Variants in SYCP1 observed in about 807,000 individuals in gnomAD.
SYCP1 encodes the protein cancer/testis antigen 8.
SYCP1 carries 64 observed loss-of-function variants against 153.1 expected under a neutral mutation model. That is an observed-to-expected ratio of 0.42 (90% CI 0.34 to 0.51). The LOEUF (loss-of-function observed/expected upper bound fraction) is 0.51, where lower values mean the gene tolerates loss of function less well. Among genes scored for constraint, SYCP1 ranks in the 20% least tolerant of loss-of-function variants. The probability of loss-of-function intolerance (pLI) is 0.06; values close to 1 mark genes in which losing one functional copy is unlikely to be tolerated. For missense variants in SYCP1, 997 were observed against 1,049.0 expected, an observed-to-expected ratio of 0.95 and a Z score of 0.68; for synonymous variants, 384 against 341.8, an observed-to-expected ratio of 1.12 and a Z score of -1.36.
chr1:114,932,647 C>A (rs1408437743), intron 23 of SYCP1, among the ~76,000 whole-genome samples: 1 of 152,208 alleles, frequency 6.6e-6, no homozygotes, highest in Non-Finnish European at 1.5e-5. Flanking sequence ...AATTCCCTTT[C>A]CTAACCAAGA....
chr1:114,911,380 A>G, intron 17 of SYCP1, 99 bp from the exon 18 acceptor site: 1 of 784,170 alleles, frequency 1.3e-6, no homozygotes, highest in Non-Finnish European at 1.9e-6. Flanking sequence ...AACCTGCCAA[A>G]TTTTTGCCAA....
At chr1:114,863,777 GGTTTCTTTTTTTTTCTGTAAAAGAATGA>G (rs896595881) in intron 8 of SYCP1, among the ~76,000 whole-genome samples, 4 of 152,156 alleles carry the variant, frequency 2.6e-5, no homozygotes, top group Non-Finnish European at 5.9e-5. Flanking sequence ...TTTTTGAATG[GGTTTCTTTTTTTTTCTGTAAAAGAATGA>G]GTTCATGTCC....
intron 21 of SYCP1, among the ~76,000 whole-genome samples, chr1:114,923,819 A>T (rs1167459415): frequency 6.6e-6 from 1 of 152,182 alleles, no homozygotes; most frequent in Non-Finnish European, 1.5e-5. Flanking sequence ...CTTCAGTAAT[A>T]TAAAATATAT....
intron 20 of SYCP1, among the ~76,000 whole-genome samples, chr1:114,916,027 C>A (rs560349674): frequency 1.4e-4 from 22 of 152,238 alleles, no homozygotes; most frequent in African/African-American, 5.3e-4. Flanking sequence ...ATGTTCAGCC[C>A]CCATGAGAAG....
intron 17 of SYCP1, among the ~76,000 whole-genome samples, chr1:114,911,073 C>G (rs1189721153): frequency 6.6e-6 from 1 of 151,494 alleles, no homozygotes; most frequent in Admixed American, 6.6e-5. Flanking sequence ...TACATCTTGT[C>G]TTTTTACAAT....
At chr1:114,987,002 C>T (rs1673560046) in intron 30 of SYCP1, among the ~76,000 whole-genome samples, 1 of 151,712 alleles carries the variant, frequency 6.6e-6, no homozygotes, top group Admixed American at 6.6e-5. Context: ...ACTTGTCCTT[C>T]AAACATCAGA....
At chr1:114,979,620 T>C (rs1050705663) in intron 28 of SYCP1, among the ~76,000 whole-genome samples, 4 of 151,726 alleles carry the variant, frequency 2.6e-5, no homozygotes, top group African/African-American at 7.3e-5. Flanking sequence ...AAAAAATTGC[T>C]CTCATCAAAA....
At chr1:114,914,511 G>A (rs1044585207) in intron 20 of SYCP1, among the ~76,000 whole-genome samples, 1 of 151,884 alleles carries the variant, frequency 6.6e-6, no homozygotes, top group African/African-American at 2.4e-5. Context: ...TTAGTTGAAG[G>A]TCTTACATCT....
intron 16 of SYCP1, among the ~76,000 whole-genome samples, chr1:114,904,251 G>T (rs1167705357): frequency 6.6e-6 from 1 of 151,714 alleles, no homozygotes; most frequent in Non-Finnish European, 1.5e-5. Flanking sequence ...CGAGTAGCTG[G>T]GACTACAGGT....
intron 15 of SYCP1, among the ~76,000 whole-genome samples, chr1:114,888,784 C>T (rs1374483425): frequency 1.3e-5 from 2 of 151,820 alleles, no homozygotes; most frequent in Non-Finnish European, 2.9e-5. Flanking sequence ...ATACATGTGC[C>T]ACATTGGTTT....
chr1:114,937,488 A>T (rs1235455439), intron 23 of SYCP1, among the ~76,000 whole-genome samples: 4 of 152,244 alleles, frequency 2.6e-5, no homozygotes, highest in Admixed American at 1.3e-4. Flanking sequence ...GGCATGGGCA[A>T]GGACTTCATG....
intron 27 of SYCP1, among the ~76,000 whole-genome samples, chr1:114,973,863 A>G (rs1672644191): frequency 6.6e-6 from 1 of 151,958 alleles, no homozygotes; most frequent in African/African-American, 2.4e-5. Flanking sequence ...CATGAGCTAA[A>G]AGGAGTTAAG....
Position 114,923,626 on chromosome 1 carries a change from T to C in SYCP1, c.1800+96T>C, listed in dbSNP as rs1008959518. ...TAAAATAAAGGGAAGTATACTGTTG[T>C]ATAAATAATAGTGATCTAGAGACTG... On this transcript the variant is annotated intron_variant, in intron 21 of 31. Coordinates refer to ENST00000369522, the MANE Select transcript of SYCP1 (RefSeq NM_003176.4). 3.9e-5 allele frequency: 48 copies of C among 1,236,158 alleles called. No individual in the cohort carries two copies. The East Asian group carries it at 1.4e-3, about 36-fold the overall frequency. The allele number at this position is 1,236,158 out of a possible 1,614,324, so 76.6% of individuals were successfully genotyped here.
In SYCP1 at chr1:114,934,969, C is replaced by A. The variant is rs1358319390; in HGVS notation, c.1926+8406C>A. On this transcript the variant is annotated intron_variant, in intron 23 of 31. Coordinates refer to ENST00000369522, the MANE Select transcript of SYCP1 (RefSeq NM_003176.4). Reference sequence around the variant, plus strand: ...ACACAATAATAATGGGAGACTTTAACACCCAACTGTCAACATTAGACAGAT... The same window carrying A: ...ACACAATAATAATGGGAGACTTTAAAACCCAACTGTCAACATTAGACAGAT... Among the ~76,000 whole-genome samples, 3 of 152,146 alleles carry A rather than the reference C, an allele frequency of 2.0e-5. No homozygotes were observed. In the East Asian group the frequency reaches 5.8e-4, roughly 29 times the overall value.
chr1:114,944,126 C>T (rs879837608), intron 23 of SYCP1, among the ~76,000 whole-genome samples: 10 of 151,624 alleles, frequency 6.6e-5, no homozygotes, highest in Non-Finnish European at 1.3e-4. Context: ...TTTTATATTA[C>T]TTGTCAAGAA....
At chr1:114,987,144 GAT>G (rs1405306171) in intron 30 of SYCP1, among the ~76,000 whole-genome samples, 2 of 151,498 alleles carry the variant, frequency 1.3e-5, no homozygotes, top group Non-Finnish European at 2.9e-5. Context: ...TAAGGATTAG[GAT>G]ATTCAAAAGC....
chr1:114,990,231 C>T (rs1236879745), intron 30 of SYCP1, among the ~76,000 whole-genome samples: 2 of 151,924 alleles, frequency 1.3e-5, no homozygotes, highest in Admixed American at 1.3e-4. Context: ...AAACAACACA[C>T]TCTTAGCCAA....
intron 27 of SYCP1, among the ~76,000 whole-genome samples, chr1:114,956,189 C>A (rs1671421867): frequency 6.6e-6 from 1 of 152,112 alleles, no homozygotes; most frequent in African/African-American, 2.4e-5. Flanking sequence ...GAGATGTGTA[C>A]CTGTTTGGGC....
chr1:114,881,716 G>T (rs2101517413), intron 12 of SYCP1, among the ~76,000 whole-genome samples: 1 of 152,158 alleles, frequency 6.6e-6, no homozygotes, highest in Non-Finnish European at 1.5e-5. Flanking sequence ...TGCTCAGGAT[G>T]GTCTCAAACT....
Sources: gnomAD v4.1 joint callset for allele counts (sites outside exome capture counted in the v4.1 genomes callset) on GRCh38, gnomAD v4.1.1 for gene constraint, MANE v1.5 for transcripts, NCBI Gene and HGNC (gene_info 2026-07-23, HGNC 2026-07-21) for gene names.